The following NAXD variants were observed in gnomAD, a reference collection of about 807,000 sequenced individuals.
NAXD encodes the protein ATP-dependent (S)-NAD(P)H-hydrate dehydratase.
A neutral mutation model predicts 35.8 loss-of-function variants in NAXD; 22 were observed. That is an observed-to-expected ratio of 0.62 (90% CI 0.44 to 0.88). The LOEUF is 0.88. Among genes scored for constraint, NAXD ranks in the 40% least tolerant of loss-of-function variants. The pLI is 0.00. For synonymous variants in NAXD, 189 were observed against 177.6 expected, an observed-to-expected ratio of 1.06 and a Z score of -0.51; for missense variants, 428 against 437.7, an observed-to-expected ratio of 0.98 and a Z score of 0.20.
chr13:110,615,544 C>A, upstream of NAXD: 2 of 1,334,724 alleles, frequency 1.5e-6, no homozygotes, highest in Non-Finnish European at 1.9e-6. Context: ...AAAACGCTTC[C>A]AATGGCTGTG....
At chr13:110,636,114 A>G (rs330572) in intron 8 of NAXD, among the ~76,000 whole-genome samples, 32,904 of 152,258 alleles carry the variant, frequency 0.22, 4,290 homozygotes, top group African/African-American at 0.37. Flanking sequence ...GGCTTCAGCA[A>G]GAGCCAAGTG....
intron 8 of NAXD, among the ~76,000 whole-genome samples, chr13:110,636,799 G>A (rs950900438): frequency 6.6e-6 from 1 of 152,250 alleles, no homozygotes; most frequent in African/African-American, 2.4e-5. Context: ...GGAGCTGGAG[G>A]CTGGCGCCGC....
intron 5 of NAXD, among the ~76,000 whole-genome samples, chr13:110,630,217 T>TG (rs1055741837): frequency 7.9e-5 from 12 of 151,912 alleles, no homozygotes; most frequent in Admixed American, 2.6e-4. Flanking sequence ...TTAGTAGAGA[T>TG]GGGGTTTCAC....
At chr13:110,615,821 C>A (rs1886029558) in intron 1 of NAXD, 174 bp downstream of exon 1, 1 of 1,280,156 alleles carries the variant, frequency 7.8e-7, no homozygotes, top group African/African-American at 1.6e-5. Context: ...GGGGAAGCGC[C>A]GCCGAGGGGC....
chr13:110,630,628 A>G (rs182329780), intron 5 of NAXD, among the ~76,000 whole-genome samples: 1 of 152,260 alleles, frequency 6.6e-6, no homozygotes, highest in Non-Finnish European at 1.5e-5. Flanking sequence ...GTTTACTCCT[A>G]CATGTTAAGA....
chr13:110,633,375 G>T (rs1886793824), intron 5 of NAXD, among the ~76,000 whole-genome samples: 1 of 152,238 alleles, frequency 6.6e-6, no homozygotes, highest in African/African-American at 2.4e-5. Context: ...TGGCCCGCAA[G>T]CGCTGCAGGC....
At chr13:110,627,894 C>A (rs988929666) in intron 5 of NAXD, among the ~76,000 whole-genome samples, 6 of 152,148 alleles carry the variant, frequency 3.9e-5, no homozygotes, top group African/African-American at 1.4e-4. Flanking sequence ...AGGCCACCCC[C>A]TTCTTGCTGG....
intron 9 of NAXD, chr13:110,637,909 G>A (rs1886996004): frequency 2.0e-6 from 1 of 502,086 alleles, no homozygotes; most frequent in Middle Eastern, 4.1e-4. Flanking sequence ...GAATTTGAGA[G>A]CCGAGGAGGT....
chr13:110,616,657 G>C (rs1382675733), intron 1 of NAXD, among the ~76,000 whole-genome samples: 1 of 152,172 alleles, frequency 6.6e-6, no homozygotes, highest in African/African-American at 2.4e-5. Flanking sequence ...TTGCCTTGTT[G>C]GTATTGGTGT....
In NAXD at chr13:110,617,284, GAT is replaced by G. The variant is rs1190842502; in HGVS notation, c.46+1639_46+1640del. Among the ~76,000 whole-genome samples, 13 of 152,290 alleles carry G rather than the reference GAT, an allele frequency of 8.5e-5. No homozygotes were observed. The East Asian group carries it at 2.5e-3, about 29-fold the overall frequency. On this transcript the variant is annotated intron_variant, in intron 1 of 9. Transcript: ENST00000680254. Reference sequence around the variant, plus strand: ...AGCACTTTTAGCACAAAGCAGCAGTGATAGTCTTCCCCAGACACGCTTCCTTA... The same window carrying G: ...AGCACTTTTAGCACAAAGCAGCAGTGAGTCTTCCCCAGACACGCTTCCTTA...
intron 3 of NAXD, 41 bp from the exon 4 acceptor site, chr13:110,625,149 C>G (rs752265865): frequency 1.3e-6 from 2 of 1,496,836 alleles, no homozygotes; most frequent in Admixed American, 1.7e-5. Context: ...GCAGCGATGC[C>G]GGAGCGATCC....
At chr13:110,629,665 T>A (rs1294395804) in intron 5 of NAXD, among the ~76,000 whole-genome samples, 11 of 152,268 alleles carry the variant, frequency 7.2e-5, no homozygotes, top group African/African-American at 2.7e-4. Context: ...CCTTTTTATA[T>A]CTAATATTTC....
chr13:110,616,157 C>T (rs1306604497), intron 1 of NAXD: 1 of 224,412 alleles, frequency 4.5e-6, no homozygotes, highest in Non-Finnish European at 8.7e-6. Flanking sequence ...CAACTGCGGG[C>T]TTGCTGTTTG....
rs1227256645 is a variant in NAXD at position 110,622,284 on chromosome 13, G to A, written c.115G>A (p.Val39Met). 3 of 1,614,040 alleles carry A rather than the reference G, an allele frequency of 1.9e-6. No individual in the cohort carries two copies. In the South Asian group the frequency reaches 3.3e-5, roughly 18 times the overall value. The change falls in exon 2 of 10, where the codon GTG becomes ATG. Residue 39 changes from valine to methionine, a missense_variant. Val to Met is a conservative substitution (Grantham distance 21). Coordinates refer to ENST00000680254, the MANE Select transcript of NAXD (RefSeq NM_001242882.2). ...GGATATGGAAAATACTTTGCAGCTG[G>A]TGAGAAATATCATACCTCCTCTGTC... is the stretch of plus-strand genomic sequence containing the variant. ...IKDMENTLQL[V>M]RNIIPPLSST...
intron 5 of NAXD, among the ~76,000 whole-genome samples, chr13:110,633,188 T>C (rs1886784344): frequency 6.6e-6 from 1 of 152,152 alleles, no homozygotes; most frequent in African/African-American, 2.4e-5. Flanking sequence ...GGAAGGCAGC[T>C]AAGGCCCGGT....
At chr13:110,615,484 G>A, upstream of NAXD, 5 of 936,744 alleles carry the variant, frequency 5.3e-6, no homozygotes, top group South Asian at 2.2e-5. Context: ...GTGATTGAGC[G>A]AGTTGGGATC....
intron 7 of NAXD, 151 bp downstream of exon 7, chr13:110,634,927 AT>A (rs1186946913): frequency 7.5e-6 from 5 of 663,976 alleles, no homozygotes; most frequent in Non-Finnish European, 1.3e-5. Flanking sequence ...GCGTCTTCCC[AT>A]TAATGCGCTT....
chr13:110,633,128 G>T (rs1233318717), intron 5 of NAXD, among the ~76,000 whole-genome samples: 1 of 152,210 alleles, frequency 6.6e-6, no homozygotes, highest in South Asian at 2.1e-4. Flanking sequence ...CCATGGAGGG[G>T]GTGGGAGGCT....
chr13:110,624,085 G>A, intron 2 of NAXD, 149 bp from the exon 3 acceptor site: 1 of 546,462 alleles, frequency 1.8e-6, no homozygotes, highest in Non-Finnish European at 3.3e-6. Flanking sequence ...TAGGTGTTGG[G>A]TTTGTGCTGT....
Sources: gnomAD v4.1 joint callset for allele counts (sites outside exome capture counted in the v4.1 genomes callset) on GRCh38, gnomAD v4.1.1 for gene constraint, MANE v1.5 for transcripts, NCBI Gene and HGNC (gene_info 2026-07-23, HGNC 2026-07-21) for gene names.